Variants in C3orf20 observed in about 807,000 individuals in gnomAD.
The protein encoded by C3orf20 is uncharacterized protein C3orf20.
Under a neutral mutation model 88.3 loss-of-function variants are expected in C3orf20, and 76 were observed. The observed-to-expected ratio is 0.86, with a 90% confidence interval of 0.72 to 1.04. The LOEUF is 1.04. C3orf20 is among the 50% of genes least tolerant of loss of function. The pLI, the probability that C3orf20 is intolerant of heterozygous loss-of-function variation, is 0.00. For missense variants in C3orf20, 1,056 were observed against 1,123.3 expected, an observed-to-expected ratio of 0.94 and a Z score of 0.86; for synonymous variants, 436 against 437.4, an observed-to-expected ratio of 1.00 and a Z score of 0.04.
At chr3:14,704,947 C>T (rs1209393874) in intron 7 of C3orf20, among the ~76,000 whole-genome samples, 1 of 152,226 alleles carries the variant, frequency 6.6e-6, no homozygotes, top group Non-Finnish European at 1.5e-5. Flanking sequence ...AGACACAAAA[C>T]AAATCATGTC....
chr3:14,751,854 A>G (rs890639313), intron 12 of C3orf20, among the ~76,000 whole-genome samples: 1 of 152,248 alleles, frequency 6.6e-6, no homozygotes, highest in African/African-American at 2.4e-5. Flanking sequence ...ATGGAAGAAC[A>G]TTCCATGCTC....
intron 15 of C3orf20, among the ~76,000 whole-genome samples, chr3:14,764,537 A>T (rs76334514): frequency 3.3e-4 from 48 of 143,726 alleles, no homozygotes; most frequent in African/African-American, 1.3e-3. Flanking sequence ...TGTTGTTGTT[A>T]TTCTCTGTCA....
At chr3:14,699,590 G>A (rs2033159814) in intron 5 of C3orf20, among the ~76,000 whole-genome samples, 1 of 152,160 alleles carries the variant, frequency 6.6e-6, no homozygotes, top group African/African-American at 2.4e-5. Context: ...ACGCTAACTT[G>A]TACCCTATCC....
intron 15 of C3orf20, among the ~76,000 whole-genome samples, chr3:14,766,029 G>T (rs1189401333): frequency 6.6e-6 from 1 of 152,232 alleles, no homozygotes; most frequent in African/African-American, 2.4e-5. Flanking sequence ...AGTCTGCAGG[G>T]CCTCTGGGAG....
intron 5 of C3orf20, among the ~76,000 whole-genome samples, chr3:14,699,229 C>G (rs748649981): frequency 4.6e-5 from 7 of 152,220 alleles, no homozygotes; most frequent in Non-Finnish European, 8.8e-5. Context: ...CCAAGAGCCC[C>G]TTAGTGCTCT....
chr3:14,686,470 T>G (rs1298279931), intron 4 of C3orf20, among the ~76,000 whole-genome samples: 1 of 152,206 alleles, frequency 6.6e-6, no homozygotes, highest in Non-Finnish European at 1.5e-5. Flanking sequence ...AAGGGTTTCC[T>G]TTTCTCCACA....
chr3:14,697,403 G>T (rs2033056382), intron 5 of C3orf20, among the ~76,000 whole-genome samples: 1 of 151,644 alleles, frequency 6.6e-6, no homozygotes, highest in Non-Finnish European at 1.5e-5. Flanking sequence ...TTCCAAAGAG[G>T]CCGTCTTCAA....
intron 12 of C3orf20, among the ~76,000 whole-genome samples, chr3:14,747,165 G>A (rs182816418): frequency 3.5e-4 from 54 of 152,326 alleles, no homozygotes; most frequent in Admixed American, 3.5e-3. Flanking sequence ...GTTCTGTCAA[G>A]TTACTCATAG....
chr3:14,770,823 G>A (rs898262299), intron 15 of C3orf20, among the ~76,000 whole-genome samples: 10 of 152,216 alleles, frequency 6.6e-5, no homozygotes, highest in African/African-American at 2.4e-4. Context: ...GGACTTCGGG[G>A]CCCTTGTCAG....
At chr3:14,737,122 A>T (rs2034736673) in intron 12 of C3orf20, among the ~76,000 whole-genome samples, 1 of 152,062 alleles carries the variant, frequency 6.6e-6, no homozygotes, top group South Asian at 2.1e-4. Flanking sequence ...CATTGTACTT[A>T]TCCAGTTTGT....
At chr3:14,698,924 A>C (rs1301336301) in intron 5 of C3orf20, among the ~76,000 whole-genome samples, 2 of 152,134 alleles carry the variant, frequency 1.3e-5, no homozygotes, top group African/African-American at 4.8e-5. Context: ...ACTAGAGTAA[A>C]AAACCTTCAA....
chr3:14,684,192 A>G (rs758496495), intron 3 of C3orf20, 50 bp from the exon 4 acceptor site: 1 of 1,605,082 alleles, frequency 6.2e-7, no homozygotes, highest in East Asian at 2.2e-5. Context: ...TTCTGGAAGC[A>G]TTAGCCCCAT....
intron 7 of C3orf20, among the ~76,000 whole-genome samples, chr3:14,712,182 G>GCACA (rs1198777411): frequency 2.3e-3 from 52 of 22,468 alleles, no homozygotes; most frequent in East Asian, 7.9e-3. Flanking sequence ...ACGCGCGCGC[G>GCACA]CACACACACA....
chr3:14,759,213 C>A (rs532327812), intron 13 of C3orf20, among the ~76,000 whole-genome samples: 2 of 152,314 alleles, frequency 1.3e-5, no homozygotes, highest in South Asian at 2.1e-4. Flanking sequence ...CTTTCCCTGA[C>A]AGCTAGAACA....
At chr3:14,737,157 A>G (rs1288651836) in intron 12 of C3orf20, among the ~76,000 whole-genome samples, 3 of 151,912 alleles carry the variant, frequency 2.0e-5, no homozygotes, top group Non-Finnish European at 4.4e-5. Context: ...TGATGCTTTC[A>G]TTATTTAGAA....
chr3:14,735,833 G>T (rs1294092210), intron 12 of C3orf20, among the ~76,000 whole-genome samples: 1 of 152,116 alleles, frequency 6.6e-6, no homozygotes, highest in East Asian at 1.9e-4. Flanking sequence ...GACCTCAAGT[G>T]ATCCACCTGC....
intron 15 of C3orf20, among the ~76,000 whole-genome samples, chr3:14,770,861 C>A (rs1046738966): frequency 6.6e-6 from 1 of 152,226 alleles, no homozygotes; most frequent in African/African-American, 2.4e-5. Flanking sequence ...CCCAGAGTTG[C>A]CTGCTTCCCA....
chr3:14,718,448 G>A (rs1255126851), intron 9 of C3orf20, among the ~76,000 whole-genome samples: 1 of 151,818 alleles, frequency 6.6e-6, no homozygotes, highest in African/African-American at 2.4e-5. Context: ...TTTCTTACAA[G>A]TACATTTTCC....
At position 14,690,189 on chromosome 3, in the gene C3orf20, C is replaced by G. The variant is rs1006353511; in HGVS notation, c.745+73C>G. 19 of 1,599,902 alleles carry G rather than the reference C, an allele frequency of 1.2e-5. No homozygotes were observed. In the African/African-American group the frequency reaches 2.3e-4, roughly 19 times the overall value. On this transcript the variant is annotated intron_variant, in intron 5 of 16. Coordinates refer to ENST00000253697, the MANE Select transcript of C3orf20 (RefSeq NM_032137.5). ...GGTGGGGGATAGGTTTCCGTCTACCCTGTGTAGGTTGGTGGGATGGTTTGA... is the reference window on the plus strand; with the variant it reads ...GGTGGGGGATAGGTTTCCGTCTACCGTGTGTAGGTTGGTGGGATGGTTTGA...
Sources: gnomAD v4.1 joint callset for allele counts (sites outside exome capture counted in the v4.1 genomes callset) on GRCh38, gnomAD v4.1.1 for gene constraint, MANE v1.5 for transcripts, NCBI Gene and HGNC (gene_info 2026-07-23, HGNC 2026-07-21) for gene names.